Variants in TBCD observed in about 807,000 individuals in gnomAD.
TBCD encodes the protein tubulin-specific chaperone D.
Under a neutral mutation model 169.3 loss-of-function variants are expected in TBCD, and 105 were observed. That is an observed-to-expected ratio of 0.62 (90% CI 0.53 to 0.73). The LOEUF (loss-of-function observed/expected upper bound fraction) is 0.73. Ranked by LOEUF, TBCD falls within the 30% of genes least tolerant of loss-of-function variation. The pLI is 0.00. For missense variants in TBCD, 1,444 were observed against 1,600.1 expected, an observed-to-expected ratio of 0.90 and a Z score of 1.66; for synonymous variants, 700 against 643.9, an observed-to-expected ratio of 1.09 and a Z score of -1.32.
chr17:82,793,458 C>T (rs973551441), intron 7 of TBCD, among the ~76,000 whole-genome samples: 2 of 152,204 alleles, frequency 1.3e-5, no homozygotes, highest in Non-Finnish European at 2.9e-5. Flanking sequence ...AGCAAATGCA[C>T]TGGACGTTGT....
chr17:82,906,426 A>G (rs2060256330), intron 20 of TBCD, among the ~76,000 whole-genome samples: 1 of 152,280 alleles, frequency 6.6e-6, no homozygotes, highest in African/African-American at 2.4e-5. Flanking sequence ...TTGCATGTTC[A>G]GTATCCTTTC....
chr17:82,919,010 CCAT>C (rs1215121412), intron 23 of TBCD, among the ~76,000 whole-genome samples: 2 of 152,180 alleles, frequency 1.3e-5, no homozygotes, highest in Admixed American at 1.3e-4. Context: ...ATAAAAACTA[CCAT>C]CATAAAAATC....
In TBCD at chr17:82,943,248, A is replaced by G. The variant is rs1040342870; in HGVS notation, c.*785A>G. The G allele has an allele frequency of 6.6e-6, 1 of 152,294 alleles. No individual in the cohort carries two copies. Among genetic ancestry groups the G allele is most frequent in the Non-Finnish European group, 1.5e-5 (1 of 68,086 alleles). 9.4% of individuals were successfully genotyped at this position (152,294 alleles called of 1,614,324 possible). A position where few individuals can be genotyped will look rare whatever the true frequency, so the allele number is the denominator to read the frequency against. On this transcript the variant is annotated 3_prime_UTR_variant, in exon 39 of 39. Coordinates refer to ENST00000355528, the MANE Select transcript of TBCD (RefSeq NM_005993.5). Reference sequence around the variant, plus strand: ...CTTGGGTTTTTAGGCAAAGGGCAGGAGGCTACCTTTGTCTCTGTGTCTGAG... The same window carrying G: ...CTTGGGTTTTTAGGCAAAGGGCAGGGGGCTACCTTTGTCTCTGTGTCTGAG...
chr17:82,937,085 C>A (rs2062694472), intron 34 of TBCD, 186 bp from the exon 35 acceptor site: 1 of 588,966 alleles, frequency 1.7e-6, no homozygotes, highest in Non-Finnish European at 3.0e-6. Flanking sequence ...CCGCTAGGGA[C>A]CAGGCCGGCC....
chr17:82,893,695 C>A, intron 17 of TBCD, 63 bp downstream of exon 17: 2 of 1,207,366 alleles, frequency 1.7e-6, no homozygotes, highest in Non-Finnish European at 2.3e-6. Flanking sequence ...TGTCAGAAAT[C>A]AGCTACCACC....
chr17:82,844,206 C>CGTGTGTGT lies in TBCD; in HGVS notation c.1319-25995_1319-25988dup, dbSNP rs769300875. 2.7e-3 allele frequency among the ~76,000 whole-genome samples: 345 copies of CGTGTGTGT among 127,478 alleles called. 3 individuals are homozygous for CGTGTGTGT. Among genetic ancestry groups the CGTGTGTGT allele is most frequent in the Middle Eastern group, 0.011 (3 of 268 alleles). The allele number at this position is 127,478 out of a possible 152,430, so 83.6% of individuals were successfully genotyped here. On this transcript the variant is annotated intron_variant, in intron 13 of 38. Coordinates refer to ENST00000355528, the MANE Select transcript of TBCD (RefSeq NM_005993.5). ...TGGAGGAGTGGGGGTGGATGTTCTCCGTGTGTGTGTGTGTGTGTGTGTGTG... is the reference window on the plus strand; with the variant it reads ...TGGAGGAGTGGGGGTGGATGTTCTCCGTGTGTGTGTGTGTGTGTGTGTGTGTGTGTGTG...
rs2051013631 is a variant in TBCD at position 82,806,986 on chromosome 17, C to T, written c.1088-622C>T. ...CACCCGCTGCAGGCAGTCCCCCCTG[C>T]CCGCATTCCAGCTGCTGTGCTGGCT... On this transcript the variant is annotated intron_variant, in intron 10 of 38. Transcript: ENST00000355528. This position sits in a 1 kb window ranked among gnomAD's most constrained non-coding sequence, Gnocchi z 5.1. Among the ~76,000 whole-genome samples, 1 of 152,234 alleles carries T rather than the reference C, an allele frequency of 6.6e-6. No individual in the cohort carries two copies. Among genetic ancestry groups the T allele is most frequent in the African/African-American group, 2.4e-5 (1 of 41,468 alleles).
intron 13 of TBCD, among the ~76,000 whole-genome samples, chr17:82,853,750 CTT>C (rs2056015806): frequency 6.6e-6 from 1 of 151,966 alleles, no homozygotes; most frequent in Admixed American, 6.6e-5. Flanking sequence ...TCTTTTCTGT[CTT>C]TTAATTTTTT....
chr17:82,933,584 CG>C (rs767237157), intron 34 of TBCD, among the ~76,000 whole-genome samples: 1 of 151,006 alleles, frequency 6.6e-6, no homozygotes, highest in Non-Finnish European at 1.5e-5. Context: ...TTGGGTCATC[CG>C]GAGACAGCGT....
At chr17:82,929,787 C>A (rs1309045183) in intron 32 of TBCD, 1 of 555,954 alleles carries the variant, frequency 1.8e-6, no homozygotes, top group Non-Finnish European at 3.2e-6. Flanking sequence ...TTCAATCCTC[C>A]AGGACCTGTG....
chr17:82,780,388 G>T (rs3791174), intron 6 of TBCD, among the ~76,000 whole-genome samples: 1 of 151,782 alleles, frequency 6.6e-6, no homozygotes, highest in East Asian at 2.0e-4. Context: ...TCTGTTCTCC[G>T]TGTGGCAGTG....
chr17:82,884,040 C>A lies in TBCD; in HGVS notation c.1476-105C>A. 8.9e-7 allele frequency: 1 copy of A among 1,128,040 alleles called. No individual in the cohort carries two copies. The highest frequency in any genetic ancestry group is 1.3e-6 in the Non-Finnish European group (1 of 773,012). 69.9% of individuals were successfully genotyped at this position (1,128,040 alleles called of 1,614,324 possible). A position where few individuals can be genotyped will look rare whatever the true frequency, so the allele number is the denominator to read the frequency against. Reference sequence around the variant, plus strand: ...TGTTGCCTGTGGGGCATGTCTGAACCTCAAGTGGGCCTGAGTCGTGAGAGA... The same window carrying A: ...TGTTGCCTGTGGGGCATGTCTGAACATCAAGTGGGCCTGAGTCGTGAGAGA... On this transcript the variant is annotated intron_variant, in intron 14 of 38. Transcript: ENST00000355528. The surrounding 1 kb of genome is among the most constrained non-coding windows in gnomAD (Gnocchi z 4.2).
intron 33 of TBCD, 88 bp from the exon 34 acceptor site, chr17:82,932,570 A>G (rs1418386531): frequency 1.9e-6 from 2 of 1,054,772 alleles, no homozygotes; most frequent in Non-Finnish European, 2.9e-6. Flanking sequence ...GTCGCTTTCC[A>G]CTGGGATCCT....
chr17:82,888,784 C>T (rs1277807294), intron 15 of TBCD, among the ~76,000 whole-genome samples: 2 of 152,242 alleles, frequency 1.3e-5, no homozygotes, highest in African/African-American at 4.8e-5. Flanking sequence ...ATCGCTCAAC[C>T]TTGCTCTCAG....
chr17:82,814,703 A>C lies in TBCD; in HGVS notation c.1224-137A>C, dbSNP rs886284211. The C allele has an allele frequency of 5.1e-6, 4 of 784,692 alleles. No homozygotes were observed. The Admixed American group carries it at 8.1e-5, about 16-fold the overall frequency. 48.6% of individuals were successfully genotyped at this position (784,692 alleles called of 1,614,324 possible). On this transcript the variant is annotated intron_variant, in intron 12 of 38. Coordinates refer to ENST00000355528, the MANE Select transcript of TBCD (RefSeq NM_005993.5). ...GCCTTGATACTTTAAAAACTTAGGA[A>C]TGGGTTTTAGTGAGCCTTACGTGAG...
rs1184562886 is a variant in TBCD at position 82,831,994 on chromosome 17, T to A, written c.1318+17060T>A. The A allele has an allele frequency of 6.2e-7, 1 of 1,612,902 alleles. No individual in the cohort carries two copies. Among genetic ancestry groups the A allele is most frequent in the African/African-American group, 1.3e-5 (1 of 74,912 alleles). ...AAATGCAGAAGGCCGAGCTGCGCCT[T>A]CCAGAGCAGGCTGGGCACCGAGGGC... is the stretch of plus-strand genomic sequence containing the variant. On this transcript the variant is annotated intron_variant, in intron 13 of 38. Transcript: ENST00000355528. The surrounding 1 kb of genome is among the most constrained non-coding windows in gnomAD (Gnocchi z 4.6).
chr17:82,788,638 G>T (rs751676328), intron 7 of TBCD, among the ~76,000 whole-genome samples: 5 of 152,162 alleles, frequency 3.3e-5, no homozygotes, highest in Non-Finnish European at 5.9e-5. Context: ...CCCAGCTCCC[G>T]CTCGGCCCTT....
intron 13 of TBCD, among the ~76,000 whole-genome samples, chr17:82,853,453 A>T: frequency 6.6e-6 from 1 of 150,888 alleles, no homozygotes; most frequent in Non-Finnish European, 1.5e-5. Context: ...CCCAGGCTGG[A>T]GTGCAGTGGC....
At chr17:82,841,213 A>G (rs2054497481) in intron 13 of TBCD, among the ~76,000 whole-genome samples, 1 of 151,768 alleles carries the variant, frequency 6.6e-6, no homozygotes, top group African/African-American at 2.4e-5. Context: ...AAGTGCTTGG[A>G]TTACAGGTGT....
Sources: allele counts gnomAD v4.1 joint callset (sites outside exome capture counted in the v4.1 genomes callset), GRCh38; gene constraint gnomAD v4.1.1; non-coding constraint Gnocchi (gnomAD v3.1); transcripts MANE v1.5; gene names NCBI Gene and HGNC (gene_info 2026-07-23, HGNC 2026-07-21).